The following BRI3 variants were observed in gnomAD, a reference collection of about 807,000 sequenced individuals.
BRI3 encodes brain protein I3.
A neutral mutation model predicts 12.8 loss-of-function variants in BRI3; 6 were observed. The ratio of observed to expected loss-of-function variants is 0.47; its 90% confidence interval spans 0.26 to 0.93. BRI3 has a LOEUF of 0.93. Among genes scored for constraint, BRI3 ranks in the 40% least tolerant of loss-of-function variants. The probability of loss-of-function intolerance (pLI) is 0.15; values close to 1 mark genes in which losing one functional copy is unlikely to be tolerated. For missense variants in BRI3, 134 were observed against 171.1 expected (o/e 0.78, Z 1.21); for synonymous variants, 91 against 76.1 (o/e 1.20, Z -1.02).
chr7:98,310,872 G>A (rs1800843899), downstream of BRI3, among the ~76,000 whole-genome samples: 1 of 151,934 alleles, frequency 6.6e-6, no homozygotes, highest in African/African-American at 2.4e-5. Flanking sequence ...TTTTAGTAGA[G>A]ATGAGGTTTC....
the BRI3 span, among the ~76,000 whole-genome samples, chr7:98,321,208 T>G: frequency 6.6e-6 from 1 of 152,166 alleles, no homozygotes; most frequent in African/African-American, 2.4e-5. Flanking sequence ...GTTCTATATA[T>G]CTGATTCAAA....
chr7:98,291,022 T>C, intron 2 of BRI3, 89 bp from the exon 3 acceptor site: 2 of 1,461,290 alleles, frequency 1.4e-6, no homozygotes, highest in Non-Finnish European at 9.5e-7. Flanking sequence ...TGGCCACTGG[T>C]TGGTTATTGA....
chr7:98,315,066 A>G (rs896078024), downstream of BRI3, among the ~76,000 whole-genome samples: 1 of 152,190 alleles, frequency 6.6e-6, no homozygotes, highest in African/African-American at 2.4e-5. Flanking sequence ...AAAATGGCCC[A>G]CTGCTTTATA....
At chr7:98,318,358 G>C in the BRI3 span, among the ~76,000 whole-genome samples, 1 of 152,176 alleles carries the variant, frequency 6.6e-6, no homozygotes, top group African/African-American at 2.4e-5. Flanking sequence ...AGCTGAGATC[G>C]CGCCACTGCA....
the BRI3 span, among the ~76,000 whole-genome samples, chr7:98,320,900 A>T: frequency 1.3e-5 from 2 of 152,168 alleles, no homozygotes; most frequent in Non-Finnish European, 2.9e-5. Flanking sequence ...TCTGTCACGC[A>T]GGCTGGAGTG....
chr7:98,321,045 G>T, the BRI3 span, among the ~76,000 whole-genome samples: 1 of 151,982 alleles, frequency 6.6e-6, no homozygotes, highest in Non-Finnish European at 1.5e-5. Context: ...ATTTTGTGGG[G>T]AGGGTTTTTC....
At chr7:98,304,821 A>G (rs551515738), upstream of BRI3, among the ~76,000 whole-genome samples, 1 of 151,888 alleles carries the variant, frequency 6.6e-6, no homozygotes, top group South Asian at 2.1e-4. Context: ...CCCGGCCTAA[A>G]ACACTAATGT....
chr7:98,316,022 C>A, the BRI3 span, among the ~76,000 whole-genome samples: 1 of 152,162 alleles, frequency 6.6e-6, no homozygotes, highest in African/African-American at 2.4e-5. Context: ...TTGTAGCTCC[C>A]GTAATTCCTA....
chr7:98,316,675 TG>T, the BRI3 span, among the ~76,000 whole-genome samples: 2 of 152,196 alleles, frequency 1.3e-5, no homozygotes, highest in Admixed American at 1.3e-4. Context: ...AATGCATCGC[TG>T]TTAACTATAG....
At position 98,291,439 on chromosome 7, in the gene BRI3, CAAT is replaced by C. The variant is rs1296316225; in HGVS notation, c.*199_*201del. ...CTCCCGCCCGAGGCTCATGACAACT[CAAT>C]AAAGCACTGCTTTTATTTTTTGCAG... is the stretch of plus-strand genomic sequence containing the variant. On this transcript the variant is annotated 3_prime_UTR_variant, in exon 3 of 3. Transcript: ENST00000297290. 2.4e-5 allele frequency: 34 copies of C among 1,397,680 alleles called. No individual in the cohort carries two copies. Among genetic ancestry groups the C allele is most frequent in the Non-Finnish European group, 3.2e-5 (34 of 1,077,410 alleles). The allele number at this position is 1,397,680 out of a possible 1,614,324, so 86.6% of individuals were successfully genotyped here. A position where few individuals can be genotyped will look rare whatever the true frequency, so the allele number is the denominator to read the frequency against.
the BRI3 span, chr7:98,317,143 G>A: frequency 1.0e-4 from 159 of 1,586,108 alleles, no homozygotes; most frequent in South Asian, 2.0e-4. Context: ...GTGAGCCACC[G>A]CACCCGGCTA....
At chr7:98,312,020 A>T, downstream of BRI3, 1 of 1,447,890 alleles carries the variant, frequency 6.9e-7, no homozygotes, top group Non-Finnish European at 9.4e-7. Context: ...TGTGATTCCC[A>T]CCAACACAGG....
At chr7:98,308,027 T>C in exon 2 of BRI3, 1 of 880,826 alleles carries the variant, frequency 1.1e-6, no homozygotes, top group South Asian at 1.4e-5. Flanking sequence ...AAACTGACCC[T>C]GTCCTATTTC....
chr7:98,292,099 T>C (rs1204711693), downstream of BRI3: 1 of 155,146 alleles, frequency 6.4e-6, no homozygotes, highest in Admixed American at 6.4e-5. Context: ...ATGGTAACAC[T>C]GCTGGACCTG....
At chr7:98,298,732 G>A (rs892440057) in intron 1 of BRI3, among the ~76,000 whole-genome samples, 22 of 152,232 alleles carry the variant, frequency 1.4e-4, no homozygotes, top group Non-Finnish European at 2.5e-4. Context: ...TTTGGTTAGG[G>A]AAAGCTAAGT....
intron 2 of BRI3, among the ~76,000 whole-genome samples, chr7:98,288,788 A>AGGTTGGAGGGGT (rs11275179): frequency 1.3e-5 from 2 of 150,564 alleles, no homozygotes; most frequent in African/African-American, 4.9e-5. Flanking sequence ...TTTTGTAGGG[A>AGGTTGGAGGGGT]GGGGTCTTTG....
At chr7:98,312,008 C>A, downstream of BRI3, 1 of 1,330,644 alleles carries the variant, frequency 7.5e-7, no homozygotes, top group South Asian at 1.4e-5. Context: ...TAAAGGGGGA[C>A]CTGTGATTCC....
the BRI3 span, chr7:98,320,363 T>G: frequency 7.8e-7 from 1 of 1,289,048 alleles, no homozygotes; most frequent in Non-Finnish European, 1.1e-6. Context: ...GAAATGGAGT[T>G]TTTGCTCTGT....
chr7:98,285,523 G>A (rs531084073), intron 2 of BRI3, among the ~76,000 whole-genome samples: 20 of 152,318 alleles, frequency 1.3e-4, no homozygotes, highest in African/African-American at 4.6e-4. Flanking sequence ...GGCAGCGGAT[G>A]GGCCGGAGCT....
Sources: gnomAD v4.1 joint callset for allele counts (sites outside exome capture counted in the v4.1 genomes callset) on GRCh38, gnomAD v4.1.1 for gene constraint, MANE v1.5 for transcripts, NCBI Gene and HGNC (gene_info 2026-07-23, HGNC 2026-07-21) for gene names.